The following PARD3B variants were observed in gnomAD, a reference collection of about 807,000 sequenced individuals.
PARD3B encodes partitioning defective 3 homolog B.
PARD3B carries 103 observed loss-of-function variants against 130.2 expected under a neutral mutation model. The ratio of observed to expected loss-of-function variants is 0.79; its 90% confidence interval spans 0.67 to 0.93. The LOEUF is 0.93. Ranked by LOEUF, PARD3B falls within the 40% of genes least tolerant of loss-of-function variation. The probability of loss-of-function intolerance (pLI) is 0.00; values close to 1 mark genes in which losing one functional copy is unlikely to be tolerated. For missense variants in PARD3B, 1,609 were observed against 1,499.2 expected (o/e 1.07, Z -1.21); for synonymous variants, 583 against 553.2 (o/e 1.05, Z -0.76).
chr2:204,990,724 G>C (rs4675480), intron 3 of PARD3B, among the ~76,000 whole-genome samples: 151,074 of 152,260 alleles, frequency 0.99, 74,964 homozygotes, highest in Middle Eastern at 1. Context: ...ACCAGGAATT[G>C]TTGATTTTAA....
intron 15 of PARD3B, among the ~76,000 whole-genome samples, chr2:205,209,245 T>G (rs2037491172): frequency 6.7e-6 from 1 of 148,928 alleles, no homozygotes; most frequent in South Asian, 2.2e-4. Context: ...ACTTAAACAT[T>G]AGACCTAAAA....
At chr2:204,883,155 A>C (rs189443721) in intron 2 of PARD3B, among the ~76,000 whole-genome samples, 1 of 151,914 alleles carries the variant, frequency 6.6e-6, no homozygotes, top group South Asian at 2.1e-4. Context: ...CATGGTTGTC[A>C]TAATTACTTA....
At chr2:205,559,170 C>T (rs550402711) in intron 22 of PARD3B, among the ~76,000 whole-genome samples, 9 of 152,176 alleles carry the variant, frequency 5.9e-5, no homozygotes, top group Non-Finnish European at 1.2e-4. Context: ...GCTGGATGGT[C>T]TGATCTCATC....
Position 205,091,401 on chromosome 2 carries a change from C to T in PARD3B, c.505-13025C>T, listed in dbSNP as rs1027976523. Among the ~76,000 whole-genome samples the T allele has an allele frequency of 9.2e-5, 14 of 151,928 alleles. 1 individual carries two copies. The highest frequency in any genetic ancestry group is 3.1e-4 in the African/African-American group (13 of 41,364). On this transcript the variant is annotated intron_variant, in intron 4 of 22. Transcript: ENST00000406610. The surrounding 1 kb of genome is among the most constrained non-coding windows in gnomAD (Gnocchi z 4.2). ...GCTCCAGAAAAGATCGCAGCATTGG[C>T]GACCTCTCACTTTTCTGCACCTTCT...
intron 16 of PARD3B, among the ~76,000 whole-genome samples, chr2:205,275,150 G>A (rs2040888342): frequency 2.0e-5 from 3 of 151,570 alleles, no homozygotes; most frequent in African/African-American, 7.3e-5. Flanking sequence ...TCAAACCCAA[G>A]GCCACTGTTA....
Position 205,120,268 on chromosome 2 carries a change from G to A in PARD3B, c.806+1222G>A, listed in dbSNP as rs565048049. ...TCATTATTACTTCTGTTTTATAGAG[G>A]TGGAAACTGAGGCTCATAAAAATTT... On this transcript the variant is annotated intron_variant, in intron 7 of 22. Transcript: ENST00000406610. Among the ~76,000 whole-genome samples, 284 of 152,226 alleles carry A rather than the reference G, an allele frequency of 1.9e-3. 1 individual carries two copies. The highest frequency in any genetic ancestry group is 6.4e-3 in the African/African-American group (266 of 41,540).
At chr2:205,090,781 G>A (rs1281210979) in intron 4 of PARD3B, among the ~76,000 whole-genome samples, 2 of 152,192 alleles carry the variant, frequency 1.3e-5, no homozygotes, top group Non-Finnish European at 1.5e-5. Flanking sequence ...GAGTGGAAGT[G>A]GAGAGAGACG....
intron 2 of PARD3B, among the ~76,000 whole-genome samples, chr2:204,691,414 G>C (rs1012247382): frequency 1.3e-5 from 2 of 152,092 alleles, no homozygotes; most frequent in African/African-American, 4.8e-5. Context: ...TTGGAGAGAT[G>C]CCAGTGGTTT....
intron 10 of PARD3B, among the ~76,000 whole-genome samples, chr2:205,137,667 G>A (rs913439361): frequency 1.3e-5 from 2 of 152,188 alleles, no homozygotes; most frequent in African/African-American, 4.8e-5. Context: ...GCATGGAGCT[G>A]CATTGAACCA....
At chr2:204,627,009 A>G (rs2034509157) in intron 1 of PARD3B, among the ~76,000 whole-genome samples, 1 of 152,096 alleles carries the variant, frequency 6.6e-6, no homozygotes, top group South Asian at 2.1e-4. Flanking sequence ...GGTTTCCTCC[A>G]TGCTGTTCTC....
At chr2:205,236,920 C>G (rs7593200) in intron 15 of PARD3B, among the ~76,000 whole-genome samples, 32,171 of 151,916 alleles carry the variant, frequency 0.21, 3,699 homozygotes, top group East Asian at 0.36. Context: ...ACAAATTTGT[C>G]GTATAAAGAA....
chr2:204,621,921 T>G (rs12614238), intron 1 of PARD3B, among the ~76,000 whole-genome samples: 92,147 of 152,034 alleles, frequency 0.61, 31,557 homozygotes, highest in Non-Finnish European at 0.76. Flanking sequence ...GTACAATCAT[T>G]GTTCTAATCT....
At chr2:204,707,054 G>A (rs2038200133) in intron 2 of PARD3B, among the ~76,000 whole-genome samples, 1 of 152,188 alleles carries the variant, frequency 6.6e-6, no homozygotes. Flanking sequence ...GATTTGAAAA[G>A]TAGCAGGATT....
At chr2:205,379,650 GCTTA>G (rs2045232239) in intron 18 of PARD3B, among the ~76,000 whole-genome samples, 2 of 151,950 alleles carry the variant, frequency 1.3e-5, no homozygotes, top group African/African-American at 4.8e-5. Flanking sequence ...CTAATTCTCT[GCTTA>G]CTATGTACCA....
chr2:204,904,254 A>G (rs2046967806), intron 2 of PARD3B, among the ~76,000 whole-genome samples: 1 of 152,212 alleles, frequency 6.6e-6, no homozygotes, highest in Non-Finnish European at 1.5e-5. Flanking sequence ...ATTTAGCTTC[A>G]TCACTGTTCA....
intron 20 of PARD3B, among the ~76,000 whole-genome samples, chr2:205,447,648 A>G (rs2106183914): frequency 6.6e-6 from 1 of 152,314 alleles, no homozygotes; most frequent in East Asian, 1.9e-4. Context: ...AAGTGCTAGG[A>G]TTATGGGCGT....
At chr2:204,804,424 G>T (rs2042689832) in intron 2 of PARD3B, among the ~76,000 whole-genome samples, 1 of 152,046 alleles carries the variant, frequency 6.6e-6, no homozygotes, top group Non-Finnish European at 1.5e-5. Context: ...AATGATAAAG[G>T]GATCAATTCA....
At position 204,610,409 on chromosome 2, in the gene PARD3B, G is replaced by A. The variant is rs1306227342; in HGVS notation, c.120+64290G>A. On this transcript the variant is annotated intron_variant, in intron 1 of 22. Transcript: ENST00000406610. The surrounding 1 kb of genome is among the most constrained non-coding windows in gnomAD (Gnocchi z 4.1). Reference sequence around the variant, plus strand: ...CTCCCTCTGTTGCCTAGGCTGGAGGGCAGTGGCACGGTCTTGGCTTACTGC... The same window carrying A: ...CTCCCTCTGTTGCCTAGGCTGGAGGACAGTGGCACGGTCTTGGCTTACTGC... Among the ~76,000 whole-genome samples, 8 of 152,172 alleles carry A rather than the reference G, an allele frequency of 5.3e-5. No homozygotes were observed.
chr2:205,008,355 A>G (rs941648556), intron 3 of PARD3B, among the ~76,000 whole-genome samples: 2 of 152,050 alleles, frequency 1.3e-5, no homozygotes, highest in African/African-American at 4.8e-5. Context: ...TCTAATAGGA[A>G]AGTTTTAGGC....
Sources: gnomAD v4.1 joint callset for allele counts (sites outside exome capture counted in the v4.1 genomes callset) on GRCh38, gnomAD v4.1.1 for gene constraint, Gnocchi (gnomAD v3.1) non-coding constraint, MANE v1.5 for transcripts, NCBI Gene and HGNC (gene_info 2026-07-23, HGNC 2026-07-21) for gene names.